The following ALS2 variants were observed in gnomAD, a reference collection of about 807,000 sequenced individuals.
ALS2 encodes the protein alsin Rho guanine nucleotide exchange factor ALS2, also known as alsin.
In ALS2, 117 loss-of-function variants were observed where a neutral mutation model predicts 203.4. The ratio of observed to expected loss-of-function variants is 0.58; its 90% CI spans 0.50 to 0.67. ALS2 has a LOEUF of 0.67. ALS2 is among the 30% of genes least tolerant of loss of function. The probability of loss-of-function intolerance (pLI) is 0.00; values close to 1 mark genes in which losing one functional copy is unlikely to be tolerated. For missense variants in ALS2, 1,715 were observed against 1,989.4 expected, an observed-to-expected ratio of 0.86 and a Z score of 2.62; for synonymous variants, 718 against 725.9, an observed-to-expected ratio of 0.99 and a Z score of 0.17.
rs544527583 is a variant in ALS2 at position 201,775,154 on chromosome 2, G to GT, written c.-61+5722dup. Among the ~76,000 whole-genome samples, 21 of 152,272 alleles carry GT rather than the reference G, an allele frequency of 1.4e-4. No homozygotes were observed. In the South Asian group the frequency reaches 4.1e-3, roughly 30 times the overall value. ...GATAGAAAGGCAATAAAAATAATAG[G>GT]TGAGTAAACTGTATCATAATGCCCT... is the stretch of plus-strand genomic sequence containing the variant. On this transcript the variant is annotated intron_variant, in intron 1 of 33. Coordinates refer to ENST00000264276, the MANE Select transcript of ALS2 (RefSeq NM_020919.4).
At chr2:201,746,170 T>C (rs555818751) in intron 9 of ALS2, among the ~76,000 whole-genome samples, 2 of 152,268 alleles carry the variant, frequency 1.3e-5, no homozygotes, top group South Asian at 2.1e-4. Context: ...CATAGTAAAA[T>C]GTACTTTCCA....
In ALS2 at chr2:201,758,732, A is replaced by G. The variant is rs547934175; in HGVS notation, c.1114-973T>C. Among the ~76,000 whole-genome samples, 24 of 139,662 alleles carry G rather than the reference A, an allele frequency of 1.7e-4. No individual in the cohort carries two copies. In the South Asian group the frequency reaches 5.2e-3, roughly 30 times the overall value. The allele number at this position is 139,662 out of a possible 152,430, so 91.6% of individuals were successfully genotyped here. ...CATTCCTTCATTTGTCCTAAACTAA[A>G]ATACAAATATAATGTGTGTGTGTGC... On this transcript the variant is annotated intron_variant, in intron 4 of 33. Coordinates refer to ENST00000264276, the MANE Select transcript of ALS2 (RefSeq NM_020919.4).
At chr2:201,749,355 A>G (rs535850355) in intron 8 of ALS2, among the ~76,000 whole-genome samples, 1 of 152,348 alleles carries the variant, frequency 6.6e-6, no homozygotes, top group East Asian at 1.9e-4. Flanking sequence ...ATGTTATGTA[A>G]AAGTCAAACA....
At chr2:201,709,025 T>C (rs1327304780) in intron 27 of ALS2, among the ~76,000 whole-genome samples, 2 of 152,224 alleles carry the variant, frequency 1.3e-5, no homozygotes, top group Non-Finnish European at 2.9e-5. Context: ...AAACAATATA[T>C]GGAAGTTCTG....
At chr2:201,705,493 GTTGT>G in intron 29 of ALS2, 32 bp from the exon 30 acceptor site, 2 of 1,570,872 alleles carry the variant, frequency 1.3e-6, no homozygotes, top group Non-Finnish European at 1.8e-6. Context: ...ATTAATATAA[GTTGT>G]TACTTATGGT....
chr2:201,775,280 T>C (rs1352797733), intron 1 of ALS2, among the ~76,000 whole-genome samples: 1 of 152,198 alleles, frequency 6.6e-6, no homozygotes, highest in Non-Finnish European at 1.5e-5. Flanking sequence ...TTACATTTTA[T>C]TACAATGTAG....
At chr2:201,772,480 G>A (rs918926821) in intron 1 of ALS2, among the ~76,000 whole-genome samples, 7 of 152,152 alleles carry the variant, frequency 4.6e-5, no homozygotes, top group Admixed American at 4.6e-4. Flanking sequence ...GAACTGATAT[G>A]AGGTTATTTA....
At position 201,760,959 on chromosome 2, in the gene ALS2, G is replaced by A; in HGVS notation, c.1035C>T (p.Val345=). The A allele has an allele frequency of 1.2e-6, 2 of 1,614,094 alleles. No homozygotes were observed. The highest frequency in any genetic ancestry group is 1.7e-6 in the Non-Finnish European group (2 of 1,180,024). ...CTGACAGTTTCCGTAGGTATTCATT[G>A]ACTGCTTGGGTGTCAGGGTATGATG... The part of the protein sequence containing the change: ...NIPSYPDTQA[V]NEYLRKLSDH... The change falls in exon 4 of 34, where the codon GTC becomes GTT. Residue 345 remains valine, a synonymous_variant. Coordinates refer to ENST00000264276, the MANE Select transcript of ALS2 (RefSeq NM_020919.4).
intron 8 of ALS2, 92 bp downstream of exon 8, chr2:201,749,620 T>C: frequency 8.0e-7 from 1 of 1,242,718 alleles, no homozygotes; most frequent in Non-Finnish European, 1.2e-6. Context: ...ACGTATGAAA[T>C]TCCCCCGATA....
intron 24 of ALS2, among the ~76,000 whole-genome samples, chr2:201,716,338 G>C (rs1219108260): frequency 6.6e-6 from 1 of 152,090 alleles, no homozygotes; most frequent in Non-Finnish European, 1.5e-5. Flanking sequence ...GAGGTCAGGA[G>C]TTCAAGACCA....
chr2:201,719,990 T>C, intron 23 of ALS2: 1 of 246,336 alleles, frequency 4.1e-6, no homozygotes, highest in Non-Finnish European at 8.1e-6. Context: ...TCTCACAAAG[T>C]AATGCTTAGG....
rs1296945731 is a variant in ALS2, at chr2:201,760,994, T to C, written c.1000A>G (p.Arg334Gly). The C allele has an allele frequency of 6.2e-6, 10 of 1,614,206 alleles. No homozygotes were observed. The South Asian group carries it at 8.8e-5, about 14-fold the overall frequency. ...VMGTTEISSA[R>G]NIPSYPDTQA... is the part of the protein sequence containing the mutation. Reference sequence around the variant, plus strand: ...GTGTCAGGGTATGATGGTATGTTTCTGGCAGAGGAAATTTCAGTTGTTCCC... The same window carrying C: ...GTGTCAGGGTATGATGGTATGTTTCCGGCAGAGGAAATTTCAGTTGTTCCC... The change falls in exon 4 of 34, where the codon AGA becomes GGA. Residue 334 changes from arginine (R) to glycine (G), a missense_variant. Physicochemically the swap from Arg to Gly is moderately radical, Grantham distance 125. This residue lies in a region of ALS2 where 476 missense variants were observed against 539.3 expected (regional missense o/e 0.88). Transcript: ENST00000264276.
chr2:201,747,452 C>A (rs1463240333), intron 8 of ALS2, among the ~76,000 whole-genome samples: 1 of 142,934 alleles, frequency 7.0e-6, no homozygotes, highest in Non-Finnish European at 1.5e-5. Flanking sequence ...TAGAGTCCAG[C>A]ACTCGGTCGC....
At chr2:201,719,359 G>A (rs1214911888) in intron 23 of ALS2, among the ~76,000 whole-genome samples, 1 of 152,180 alleles carries the variant, frequency 6.6e-6, no homozygotes, top group East Asian at 1.9e-4. Flanking sequence ...GGGAGGCCAA[G>A]GTGGGCAGAT....
rs1027541802 is a variant in ALS2, at chr2:201,720,406, C to CA, written c.3703-2197dup. Among the ~76,000 whole-genome samples, 20 of 151,844 alleles carry CA rather than the reference C, an allele frequency of 1.3e-4. No homozygotes were observed. In the East Asian group the frequency reaches 1.4e-3, roughly 10 times the overall value. ...AACAGATAATGGAAAAGCACTTTAA[C>CA]AAAAAATGCTTTTCAGCCAAGCATG... On this transcript the variant is annotated intron_variant, in intron 23 of 33. Transcript: ENST00000264276.
At chr2:201,758,243 T>C (rs4575704) in intron 4 of ALS2, among the ~76,000 whole-genome samples, 25,721 of 152,096 alleles carry the variant, frequency 0.17, 2,492 homozygotes, top group East Asian at 0.4. Context: ...AAAAAAGCTT[T>C]CCCTGAAATG....
At chr2:201,702,535 C>A (rs1190083999) in intron 33 of ALS2, among the ~76,000 whole-genome samples, 1 of 152,004 alleles carries the variant, frequency 6.6e-6, no homozygotes, top group Non-Finnish European at 1.5e-5. Flanking sequence ...GGCTACTTAC[C>A]CCATTATCAG....
chr2:201,717,118 G>A (rs1328164124), intron 24 of ALS2, among the ~76,000 whole-genome samples: 6 of 152,096 alleles, frequency 3.9e-5, no homozygotes, highest in African/African-American at 1.4e-4. Context: ...GTGTGTGTGT[G>A]TGTGTATGTT....
intron 13 of ALS2, among the ~76,000 whole-genome samples, chr2:201,732,558 ACT>A (rs925769790): frequency 4.8e-4 from 73 of 152,120 alleles, no homozygotes; most frequent in African/African-American, 1.7e-3. Context: ...ACAGAACGAG[ACT>A]CTGTCTCAAA....
Sources: gnomAD v4.1 joint callset for allele counts (sites outside exome capture counted in the v4.1 genomes callset) on GRCh38, gnomAD v4.1.1 for gene constraint, gnomAD v4.1.1 regional missense constraint, MANE v1.5 for transcripts, NCBI Gene and HGNC (gene_info 2026-07-23, HGNC 2026-07-21) for gene names.